The following RBFOX3 variants were observed in gnomAD, a reference collection of about 807,000 sequenced individuals.
RBFOX3 encodes RNA binding protein fox-1 homolog 3.
A neutral mutation model predicts 48.7 loss-of-function variants in RBFOX3; 17 were observed. The ratio of observed to expected loss-of-function variants is 0.35; its 90% CI spans 0.24 to 0.52. The LOEUF (loss-of-function observed/expected upper bound fraction) is 0.52. Ranked by LOEUF, RBFOX3 falls within the 20% of genes least tolerant of loss-of-function variation. The pLI, the probability that RBFOX3 is intolerant of heterozygous loss-of-function variation, is 0.94. For missense variants in RBFOX3, 382 were observed against 497.5 expected, an observed-to-expected ratio of 0.77 and a Z score of 2.21; for synonymous variants, 212 against 209.5, an observed-to-expected ratio of 1.01 and a Z score of -0.10.
At chr17:79,132,542 G>A (rs1370533674) in intron 4 of RBFOX3, among the ~76,000 whole-genome samples, 1 of 152,224 alleles carries the variant, frequency 6.6e-6, no homozygotes, top group Non-Finnish European at 1.5e-5. Context: ...CTGGTCTGAC[G>A]GGTGAGATTG....
chr17:79,606,661 C>T (rs2093837759), intron 1 of RBFOX3, among the ~76,000 whole-genome samples: 1 of 152,200 alleles, frequency 6.6e-6, no homozygotes. Context: ...TACACCAAAT[C>T]AGTCTGTGTC....
At chr17:79,553,051 A>G (rs937739201) in intron 1 of RBFOX3, among the ~76,000 whole-genome samples, 37 of 152,366 alleles carry the variant, frequency 2.4e-4, no homozygotes, top group African/African-American at 8.2e-4. Context: ...ATGAAATAGT[A>G]GTAGCAAGAG....
At chr17:79,277,459 A>G (rs2069170517) in intron 3 of RBFOX3, among the ~76,000 whole-genome samples, 1 of 152,210 alleles carries the variant, frequency 6.6e-6, no homozygotes, top group Admixed American at 6.5e-5. Context: ...GTGGGATCCA[A>G]CTTCATGACT....
the RBFOX3 span, among the ~76,000 whole-genome samples, chr17:79,642,424 C>T: frequency 2.0e-5 from 3 of 152,060 alleles, no homozygotes; most frequent in Non-Finnish European, 2.9e-5. Context: ...ATTGCAGTAA[C>T]CATTTCACAA....
At position 79,264,272 on chromosome 17, in the gene RBFOX3, C is replaced by T. The variant is rs570227409; in HGVS notation, c.-73-28467G>A. 1.4e-3 allele frequency among the ~76,000 whole-genome samples: 207 copies of T among 151,998 alleles called. 1 individual carries two copies. The highest frequency in any genetic ancestry group is 4.8e-3 in the African/African-American group (197 of 41,468). ...TGTATTTTTAGTAGAGACAGGATTT[C>T]ACCATGTTGACCAGGCTGGTCTCGA... On this transcript the variant is annotated intron_variant, in intron 3 of 14. Transcript: ENST00000693108.
intron 1 of RBFOX3, among the ~76,000 whole-genome samples, chr17:79,565,341 CTTTT>C (rs1270878476): frequency 1.4e-5 from 2 of 138,162 alleles, no homozygotes; most frequent in Non-Finnish European, 1.6e-5. Flanking sequence ...TTTAGGACAT[CTTTT>C]TTTTTTTTTT....
chr17:79,091,254 G>A (rs1450846979), intron 14 of RBFOX3, among the ~76,000 whole-genome samples: 1 of 152,196 alleles, frequency 6.6e-6, no homozygotes, highest in African/African-American at 2.4e-5. Context: ...GGCCTGGTGG[G>A]CGGCAGGACT....
chr17:79,275,329 C>T (rs1285756830), intron 3 of RBFOX3, among the ~76,000 whole-genome samples: 2 of 152,026 alleles, frequency 1.3e-5, no homozygotes, highest in East Asian at 1.9e-4. Context: ...CTGATGTCAC[C>T]GGGTCATTAG....
At chr17:79,632,741 T>TG in the RBFOX3 span, among the ~76,000 whole-genome samples, 2,515 of 125,456 alleles carry the variant, frequency 0.02, 38 homozygotes, top group Middle Eastern at 0.056. Flanking sequence ...ACGTATCTAC[T>TG]AAAAAAAAAA....
intron 4 of RBFOX3, among the ~76,000 whole-genome samples, chr17:79,231,966 C>T (rs1221825960): frequency 6.6e-6 from 1 of 152,140 alleles, no homozygotes; most frequent in Non-Finnish European, 1.5e-5. Context: ...CCGGGGAGGC[C>T]TCAAGAAACT....
At chr17:79,384,934 A>G (rs764066595) in intron 2 of RBFOX3, among the ~76,000 whole-genome samples, 15 of 152,234 alleles carry the variant, frequency 9.9e-5, no homozygotes, top group Admixed American at 1.3e-4. Context: ...GCTGCTGCCC[A>G]CCCAAATTCT....
chr17:79,253,023 AC>A (rs1365528242), intron 3 of RBFOX3, among the ~76,000 whole-genome samples: 1 of 152,106 alleles, frequency 6.6e-6, no homozygotes, highest in Non-Finnish European at 1.5e-5. Context: ...TCTGGCCCTG[AC>A]CCTGCGGGGT....
At chr17:79,475,861 A>G (rs1472095130) in intron 2 of RBFOX3, among the ~76,000 whole-genome samples, 2 of 152,216 alleles carry the variant, frequency 1.3e-5, no homozygotes, top group Admixed American at 1.3e-4. Context: ...CGTGTGTGGG[A>G]CAGTTTCTCC....
chr17:79,406,112 C>T (rs1441955488), intron 2 of RBFOX3, among the ~76,000 whole-genome samples: 2 of 152,230 alleles, frequency 1.3e-5, no homozygotes, highest in African/African-American at 2.4e-5. Flanking sequence ...GGGCTGTTTC[C>T]ATTTCTGGGC....
chr17:79,209,033 A>C (rs2057973151), intron 4 of RBFOX3, among the ~76,000 whole-genome samples: 1 of 151,844 alleles, frequency 6.6e-6, no homozygotes, highest in Admixed American at 6.5e-5. Context: ...GTTAGCCAGG[A>C]TGGTCTCGAT....
chr17:79,414,196 C>T (rs1490488042), intron 2 of RBFOX3, among the ~76,000 whole-genome samples: 2 of 152,084 alleles, frequency 1.3e-5, no homozygotes, highest in African/African-American at 4.8e-5. Context: ...GGACTTGCGG[C>T]AGCATTTTCT....
chr17:79,499,817 G>A (rs1367729050), intron 1 of RBFOX3, among the ~76,000 whole-genome samples: 3 of 152,288 alleles, frequency 2.0e-5, no homozygotes, highest in East Asian at 1.9e-4. Flanking sequence ...GCCATTATCC[G>A]CATCATCATC....
At chr17:79,474,356 A>G (rs952366084) in intron 2 of RBFOX3, among the ~76,000 whole-genome samples, 1 of 152,220 alleles carries the variant, frequency 6.6e-6, no homozygotes, top group African/African-American at 2.4e-5. Context: ...CAAGTTCTGC[A>G]GTTACTTCTG....
At chr17:79,608,650 C>T (rs2093893733) in intron 1 of RBFOX3, among the ~76,000 whole-genome samples, 2 of 152,212 alleles carry the variant, frequency 1.3e-5, no homozygotes, top group South Asian at 4.1e-4. Context: ...CTTCTTGCTC[C>T]TTAACCCCTT....
Sources: allele counts gnomAD v4.1 joint callset (sites outside exome capture counted in the v4.1 genomes callset), GRCh38; gene constraint gnomAD v4.1.1; transcripts MANE v1.5; gene names NCBI Gene and HGNC (gene_info 2026-07-23, HGNC 2026-07-21).